Variants in ELSPBP1 observed in about 807,000 individuals in gnomAD.
ELSPBP1 encodes epididymal sperm-binding protein 1.
Under a neutral mutation model 33.3 loss-of-function variants are expected in ELSPBP1, and 38 were observed. The ratio of observed to expected loss-of-function variants is 1.14; its 90% confidence interval spans 0.88 to 1.50. The LOEUF (loss-of-function observed/expected upper bound fraction) is 1.50. Ranked by LOEUF, ELSPBP1 falls within the 40% of genes most tolerant of loss-of-function variation. The pLI is 0.00. For missense variants in ELSPBP1, 267 were observed against 263.5 expected (o/e 1.01, Z -0.09); for synonymous variants, 85 against 94.1 (o/e 0.90, Z 0.56).
At chr19:48,018,538 C>T (rs1017513835) in intron 4 of ELSPBP1, among the ~76,000 whole-genome samples, 2 of 152,132 alleles carry the variant, frequency 1.3e-5, no homozygotes, top group African/African-American at 2.4e-5. Context: ...TAAGCATTTT[C>T]TATGTGCCAG....
Position 48,014,233 on chromosome 19 carries a change from C to T in ELSPBP1, c.133C>T (p.His45Tyr), listed in dbSNP as rs745306365. 4 of 1,614,000 alleles carry T rather than the reference C, an allele frequency of 2.5e-6. No individual in the cohort carries two copies. In the South Asian group the frequency reaches 3.3e-5, roughly 13 times the overall value. ...GGGATCTGTTTACTTCACTTGCACC[C>T]ATATTCATAGCTTATCCCCTTGGTG... is the stretch of plus-strand genomic sequence containing the variant. The part of the protein sequence containing the change: ...YKGSVYFTCT[H>Y]IHSLSPWCAT... Residue 45 changes from histidine (H) to tyrosine (Y), a missense_variant, in exon 3 of 7, where the codon CAT (histidine) becomes TAT (tyrosine). His to Tyr is a moderately conservative substitution (Grantham distance 83). Coordinates refer to ENST00000339841, the MANE Select transcript of ELSPBP1 (RefSeq NM_022142.5).
intron 4 of ELSPBP1, among the ~76,000 whole-genome samples, chr19:48,017,509 A>C (rs1378273080): frequency 6.6e-6 from 1 of 152,238 alleles, no homozygotes; most frequent in Non-Finnish European, 1.5e-5. Flanking sequence ...ATTAATAAAT[A>C]CATTAATAAT....
intron 3 of ELSPBP1, 24 bp from the exon 4 acceptor site, chr19:48,015,869 A>G: frequency 1.3e-6 from 2 of 1,587,412 alleles, no homozygotes; most frequent in South Asian, 1.1e-5. Context: ...AAGTTAAGAC[A>G]CTCACGAACT....
chr19:48,000,155 T>G (rs1966952851), intron 1 of ELSPBP1, among the ~76,000 whole-genome samples: 1 of 151,876 alleles, frequency 6.6e-6, no homozygotes, highest in South Asian at 2.1e-4. Context: ...TGTTGAGCAC[T>G]CAGCATGTGC....
At chr19:48,003,481 T>G (rs1020889899) in intron 1 of ELSPBP1, among the ~76,000 whole-genome samples, 1 of 151,098 alleles carries the variant, frequency 6.6e-6, no homozygotes, top group Non-Finnish European at 1.5e-5. Context: ...CAGTATGGAC[T>G]AGGGATTGTA....
chr19:48,017,260 G>A (rs10415347), intron 4 of ELSPBP1, among the ~76,000 whole-genome samples: 25,267 of 151,856 alleles, frequency 0.17, 2,163 homozygotes, highest in South Asian at 0.23. Context: ...TTACTCTTGC[G>A]TAAAAATCTT....
chr19:48,016,380 CCTTCCTTG>C (rs1967132523), intron 4 of ELSPBP1, among the ~76,000 whole-genome samples: 1 of 152,068 alleles, frequency 6.6e-6, no homozygotes, highest in Non-Finnish European at 1.5e-5. Context: ...TTCCTTCCTT[CCTTCCTTG>C]CTTCCTTCCT....
At position 48,019,713 on chromosome 19, in the gene ELSPBP1, T is replaced by G; in HGVS notation, c.356-6T>G. 1 of 1,613,046 alleles carries G rather than the reference T, an allele frequency of 6.2e-7. No individual in the cohort carries two copies. The highest frequency in any genetic ancestry group is 8.5e-7 in the Non-Finnish European group (1 of 1,179,562). ...TGACCCGTAACCTTTCCATAATCCTTTTCAGAGTATGGGGGAAATTCTCTC... is the reference window on the plus strand; with the variant it reads ...TGACCCGTAACCTTTCCATAATCCTGTTCAGAGTATGGGGGAAATTCTCTC... On this transcript the variant is annotated splice_region_variant and splice_polypyrimidine_tract_variant and intron_variant, in intron 4 of 6. Transcript: ENST00000339841.
chr19:48,006,664 T>C (rs972897350), intron 1 of ELSPBP1, among the ~76,000 whole-genome samples: 10 of 108,658 alleles, frequency 9.2e-5, no homozygotes, highest in Middle Eastern at 0.01. Flanking sequence ...AAAAAGAAAA[T>C]TTAAGTAATT....
chr19:48,024,400 T>A (rs540111244), intron 6 of ELSPBP1, among the ~76,000 whole-genome samples: 1 of 152,264 alleles, frequency 6.6e-6, no homozygotes, highest in Admixed American at 6.5e-5. Flanking sequence ...GAGAAGCCCT[T>A]TCATCAGATG....
chr19:47,998,433 C>A (rs1319768537), intron 1 of ELSPBP1, among the ~76,000 whole-genome samples: 1 of 151,384 alleles, frequency 6.6e-6, no homozygotes, highest in African/African-American at 2.4e-5. Flanking sequence ...AAAAATCAAT[C>A]AATCAATCAA....
At chr19:48,006,013 T>A (rs897492590) in intron 1 of ELSPBP1, among the ~76,000 whole-genome samples, 1 of 152,076 alleles carries the variant, frequency 6.6e-6, no homozygotes, top group Non-Finnish European at 1.5e-5. Flanking sequence ...CAGGCTGGAG[T>A]GCAGTGGTGC....
chr19:48,010,410 A>G lies in ELSPBP1; in HGVS notation c.70+1673A>G, dbSNP rs375539630. 5.3e-5 allele frequency among the ~76,000 whole-genome samples: 8 copies of G among 152,316 alleles called. No homozygotes were observed. In the East Asian group the frequency reaches 7.7e-4, roughly 15 times the overall value. ...TGTATTTACAGATAAATTATTCAGTATACACTTACTGAGTGATCTTTAAGT... is the reference window on the plus strand; with the variant it reads ...TGTATTTACAGATAAATTATTCAGTGTACACTTACTGAGTGATCTTTAAGT... On this transcript the variant is annotated intron_variant, in intron 2 of 6. Transcript: ENST00000339841.
chr19:48,020,905 T>C (rs1389601086), intron 5 of ELSPBP1, among the ~76,000 whole-genome samples: 2 of 152,190 alleles, frequency 1.3e-5, no homozygotes, highest in Non-Finnish European at 2.9e-5. Context: ...TCAGTCCGAA[T>C]AGCTGTGGGT....
intron 4 of ELSPBP1, 89 bp from the exon 5 acceptor site, chr19:48,019,630 G>A: frequency 7.6e-7 from 1 of 1,320,120 alleles, no homozygotes; most frequent in Non-Finnish European, 1.0e-6. Flanking sequence ...CCTTTAATGG[G>A]ATAAAGCGTG....
chr19:48,003,539 C>CTTTTTTTTTTTTTTTT (rs34961390), intron 1 of ELSPBP1, among the ~76,000 whole-genome samples: 1 of 138,890 alleles, frequency 7.2e-6, no homozygotes. Context: ...CACCCCTGCT[C>CTTTTTTTTTTTTTTTT]TTTTTTTTTT....
At position 48,011,656 on chromosome 19, in the gene ELSPBP1, T is replaced by A. The variant is rs1276517669; in HGVS notation, c.71-2515T>A. Among the ~76,000 whole-genome samples, 1 of 151,578 alleles carries A rather than the reference T, an allele frequency of 6.6e-6. No individual in the cohort carries two copies. The highest frequency in any genetic ancestry group is 1.5e-5 in the Non-Finnish European group (1 of 67,940). ...ATGATGATCATCATCCTGATGACAA[T>A]GACAATAATGAGACTGATGATGGTG... On this transcript the variant is annotated intron_variant, in intron 2 of 6. Coordinates refer to ENST00000339841, the MANE Select transcript of ELSPBP1 (RefSeq NM_022142.5). The surrounding 1 kb of genome is among the most constrained non-coding windows in gnomAD (Gnocchi z 4.5).
At chr19:48,023,481 G>GAGAAGGGAGGAGGGAA (rs1967230383) in intron 6 of ELSPBP1, among the ~76,000 whole-genome samples, 1 of 43,688 alleles carries the variant, frequency 2.3e-5, no homozygotes, top group Non-Finnish European at 6.6e-5. Flanking sequence ...GAAGGGAGGA[G>GAGAAGGGAGGAGGGAA]GGAAGGGAGG....
chr19:48,020,312 G>A (rs759119347), intron 5 of ELSPBP1, among the ~76,000 whole-genome samples: 3 of 152,090 alleles, frequency 2.0e-5, no homozygotes, highest in Non-Finnish European at 4.4e-5. Flanking sequence ...GTGAGACCTT[G>A]CGTCTAAAAT....
Sources: allele counts gnomAD v4.1 joint callset (sites outside exome capture counted in the v4.1 genomes callset), GRCh38; gene constraint gnomAD v4.1.1; non-coding constraint Gnocchi (gnomAD v3.1); transcripts MANE v1.5; gene names NCBI Gene and HGNC (gene_info 2026-07-23, HGNC 2026-07-21).